ZNF385D: variants seen among roughly 807,000 people sequenced by gnomAD.
ZNF385D encodes the protein zinc finger protein 659.
Under a neutral mutation model 35.8 loss-of-function variants are expected in ZNF385D, and 15 were observed. The observed-to-expected ratio is 0.42, with a 90% CI of 0.28 to 0.64. The LOEUF is 0.64. ZNF385D is among the 30% of genes least tolerant of loss of function. The pLI is 0.23. For synonymous variants in ZNF385D, 212 were observed against 186.8 expected (o/e 1.13, Z -1.10); for missense variants, 474 against 494.6 (o/e 0.96, Z 0.39).
intron 3 of ZNF385D, among the ~76,000 whole-genome samples, chr3:22,133,141 A>C (rs1268500032): frequency 6.6e-6 from 1 of 152,186 alleles, no homozygotes; most frequent in African/African-American, 2.4e-5. Flanking sequence ...AATAATCTTT[A>C]AAAAATACCC....
At chr3:21,697,964 A>G (rs574496810) in intron 1 of ZNF385D, among the ~76,000 whole-genome samples, 5 of 152,286 alleles carry the variant, frequency 3.3e-5, no homozygotes, top group Middle Eastern at 3.4e-3. Flanking sequence ...ATCGTCATGG[A>G]TATGGAAAAA....
At chr3:21,838,854 G>C (rs773870790) in intron 3 of ZNF385D, among the ~76,000 whole-genome samples, 1 of 152,014 alleles carries the variant, frequency 6.6e-6, no homozygotes, top group Admixed American at 6.6e-5. Context: ...TGTGAGAAAA[G>C]ATGCTTCTTA....
intron 3 of ZNF385D, among the ~76,000 whole-genome samples, chr3:21,936,337 A>T (rs914487264): frequency 6.6e-6 from 1 of 152,130 alleles, no homozygotes; most frequent in African/African-American, 2.4e-5. Flanking sequence ...TATTGAGGCT[A>T]AAAATTCTCA....
intron 3 of ZNF385D, chr3:21,877,940 A>G (rs1172987853): frequency 6.6e-6 from 1 of 152,150 alleles, no homozygotes; most frequent in African/African-American, 2.4e-5. Context: ...ATTAATTTTA[A>G]TTACAACAGC....
intron 3 of ZNF385D, among the ~76,000 whole-genome samples, chr3:22,035,546 C>T (rs757999479): frequency 5.3e-5 from 8 of 152,048 alleles, no homozygotes; most frequent in Non-Finnish European, 7.4e-5. Flanking sequence ...ATACTGTGAC[C>T]TAAGTTCTGA....
intron 3 of ZNF385D, among the ~76,000 whole-genome samples, chr3:21,558,987 T>C (rs903208278): frequency 1.1e-5 from 1 of 95,194 alleles, no homozygotes; most frequent in African/African-American, 5.2e-5. Flanking sequence ...TTGCAACCCC[T>C]GCTTTTTTTT....
chr3:21,664,875 C>T lies in ZNF385D; in HGVS notation c.165+11G>A. ...TCCACTCAGGCAAAGACAAATTTGGCAGGTACTTACCGCATTGAAATTGGG... is the reference window on the plus strand; with the variant it reads ...TCCACTCAGGCAAAGACAAATTTGGTAGGTACTTACCGCATTGAAATTGGG... On this transcript the variant is annotated intron_variant, in intron 2 of 7. Coordinates refer to ENST00000281523, the MANE Select transcript of ZNF385D (RefSeq NM_024697.3). 1.2e-6 allele frequency: 2 copies of T among 1,613,360 alleles called. No homozygotes were observed. The highest frequency in any genetic ancestry group is 1.7e-6 in the Non-Finnish European group (2 of 1,179,538).
intron 3 of ZNF385D, among the ~76,000 whole-genome samples, chr3:21,833,088 A>T (rs962708953): frequency 1.3e-5 from 2 of 152,126 alleles, no homozygotes; most frequent in African/African-American, 4.8e-5. Context: ...TCATCAATCA[A>T]CGAATATTTA....
chr3:21,573,039 A>G (rs2063380059), intron 2 of ZNF385D, among the ~76,000 whole-genome samples: 1 of 152,182 alleles, frequency 6.6e-6, no homozygotes, highest in South Asian at 2.1e-4. Flanking sequence ...GGGTACTTCT[A>G]GAGCTGTGAT....
chr3:22,123,381 T>C (rs2336673), intron 3 of ZNF385D, among the ~76,000 whole-genome samples: 39,500 of 152,062 alleles, frequency 0.26, 5,599 homozygotes, highest in African/African-American at 0.36. Flanking sequence ...GATATTTTGG[T>C]GTATATATTG....
chr3:21,915,312 T>C (rs1176976085), intron 3 of ZNF385D, among the ~76,000 whole-genome samples: 2 of 152,060 alleles, frequency 1.3e-5, no homozygotes, highest in African/African-American at 4.8e-5. Flanking sequence ...TTGGGTTGAG[T>C]TTATTTTTCT....
rs146284562 is a variant in ZNF385D, at chr3:21,523,360, T to C, written c.277-12337A>G. On this transcript the variant is annotated intron_variant, in intron 3 of 7. Coordinates refer to ENST00000281523, the MANE Select transcript of ZNF385D (RefSeq NM_024697.3). ...TCTCAACCCAAAAGAGAGTGTACAA[T>C]GATAAATAACCTTATTATGTGATTT... Among the ~76,000 whole-genome samples, 692 of 152,260 alleles carry C rather than the reference T, an allele frequency of 4.5e-3. 2 individuals are homozygous for C. The highest frequency in any genetic ancestry group is 5.5e-3 in the Non-Finnish European group (376 of 68,008).
At chr3:21,960,281 A>G (rs1269004474) in intron 3 of ZNF385D, among the ~76,000 whole-genome samples, 1 of 151,896 alleles carries the variant, frequency 6.6e-6, no homozygotes, top group Non-Finnish European at 1.5e-5. Context: ...ATCTAAATAA[A>G]CATTTCTCAA....
At chr3:22,150,945 A>G (rs1159905724) in intron 3 of ZNF385D, among the ~76,000 whole-genome samples, 1 of 152,172 alleles carries the variant, frequency 6.6e-6, no homozygotes, top group Non-Finnish European at 1.5e-5. Flanking sequence ...GGGAGTGTTG[A>G]AAAGAAAGGA....
At chr3:22,285,527 T>C (rs954383534) in intron 2 of ZNF385D, among the ~76,000 whole-genome samples, 1 of 151,320 alleles carries the variant, frequency 6.6e-6, no homozygotes, top group African/African-American at 2.4e-5. Flanking sequence ...ACTTATTCAA[T>C]AACTTTATTT....
chr3:22,063,929 T>G (rs1401976190), intron 3 of ZNF385D, among the ~76,000 whole-genome samples: 3 of 152,210 alleles, frequency 2.0e-5, no homozygotes, highest in South Asian at 2.1e-4. Flanking sequence ...GCCCAGTCTT[T>G]CCTCCTTCCC....
chr3:22,204,142 GGA>G (rs1696993240), intron 2 of ZNF385D, among the ~76,000 whole-genome samples: 1 of 152,022 alleles, frequency 6.6e-6, no homozygotes. Context: ...AGCAGAGAGA[GGA>G]GACTCTGTTT....
intron 4 of ZNF385D, among the ~76,000 whole-genome samples, chr3:21,499,170 C>T (rs1437095817): frequency 6.6e-6 from 1 of 152,132 alleles, no homozygotes; most frequent in African/African-American, 2.4e-5. Context: ...CATAAAGACA[C>T]ATGCATCCAT....
intron 3 of ZNF385D, among the ~76,000 whole-genome samples, chr3:22,002,793 A>C (rs777628042): frequency 6.6e-6 from 1 of 152,232 alleles, no homozygotes; most frequent in Non-Finnish European, 1.5e-5. Context: ...ACATACACAA[A>C]TAAAGAAACA....
Sources: allele counts gnomAD v4.1 joint callset (sites outside exome capture counted in the v4.1 genomes callset), GRCh38; gene constraint gnomAD v4.1.1; transcripts MANE v1.5; gene names NCBI Gene and HGNC (gene_info 2026-07-23, HGNC 2026-07-21).